LINGO2: variants seen among roughly 807,000 people sequenced by gnomAD.
The protein encoded by LINGO2 is leucine-rich repeat and immunoglobulin-like domain-containing nogo receptor-interacting protein 2.
A neutral mutation model predicts 30.6 loss-of-function variants in LINGO2; 14 were observed. That is an observed-to-expected ratio of 0.46 (90% CI 0.30 to 0.72). The LOEUF (loss-of-function observed/expected upper bound fraction) is 0.72, where lower values mean the gene tolerates loss of function less well. LINGO2 is among the 30% of genes least tolerant of loss of function. LINGO2 has a pLI of 0.07. For synonymous variants in LINGO2, 317 were observed against 288.5 expected (o/e 1.10, Z -1.00); for missense variants, 729 against 751.7 (o/e 0.97, Z 0.35).
At chr9:28,008,079 C>T (rs775173859) in intron 5 of LINGO2, among the ~76,000 whole-genome samples, 12 of 152,080 alleles carry the variant, frequency 7.9e-5, no homozygotes, top group Non-Finnish European at 1.5e-4. Flanking sequence ...TGGAGGCTCC[C>T]GTCTTACATC....
chr9:28,067,130 T>TGTG (rs1825336739), intron 4 of LINGO2, among the ~76,000 whole-genome samples: 1 of 152,104 alleles, frequency 6.6e-6, no homozygotes, highest in Admixed American at 6.6e-5. Context: ...CAGGGTCACA[T>TGTG]ACCTTTTATA....
At chr9:28,388,358 C>A (rs10968551) in intron 2 of LINGO2, among the ~76,000 whole-genome samples, 28,371 of 152,108 alleles carry the variant, frequency 0.19, 2,927 homozygotes, top group Middle Eastern at 0.31. Flanking sequence ...CTATTGTAAA[C>A]ATTGCTGCTG....
At chr9:28,790,434 T>C in the LINGO2 span, among the ~76,000 whole-genome samples, 1 of 148,992 alleles carries the variant, frequency 6.7e-6, no homozygotes, top group Non-Finnish European at 1.5e-5. Flanking sequence ...GTTCACGCCA[T>C]TCTCCTGCCT....
chr9:29,089,169 G>C, the LINGO2 span, among the ~76,000 whole-genome samples: 2 of 151,532 alleles, frequency 1.3e-5, no homozygotes, highest in Non-Finnish European at 2.9e-5. Flanking sequence ...TAAATTCATT[G>C]GGCTTACACT....
intron 1 of LINGO2, among the ~76,000 whole-genome samples, chr9:28,648,193 T>C (rs1455358849): frequency 6.6e-6 from 1 of 152,142 alleles, no homozygotes; most frequent in Non-Finnish European, 1.5e-5. Context: ...TTTACATAAA[T>C]TTAGTTCAGG....
the LINGO2 span, among the ~76,000 whole-genome samples, chr9:28,910,417 A>G: frequency 3.7e-4 from 56 of 152,202 alleles, no homozygotes; most frequent in African/African-American, 1.2e-3. Context: ...ATGAGCAACA[A>G]GAAACATTGT....
intron 4 of LINGO2, among the ~76,000 whole-genome samples, chr9:28,067,799 C>G (rs772589171): frequency 2.6e-5 from 4 of 152,098 alleles, no homozygotes; most frequent in Admixed American, 1.3e-4. Context: ...TATTTAGCAA[C>G]GCATCAACTT....
intron 5 of LINGO2, among the ~76,000 whole-genome samples, chr9:27,958,722 A>T (rs1819697326): frequency 6.6e-6 from 1 of 152,116 alleles, no homozygotes; most frequent in Non-Finnish European, 1.5e-5. Flanking sequence ...TAGTATCTGC[A>T]GTTTCAGGCA....
chr9:29,021,537 A>G, the LINGO2 span, among the ~76,000 whole-genome samples: 4 of 152,132 alleles, frequency 2.6e-5, no homozygotes, highest in African/African-American at 9.6e-5. Flanking sequence ...GGCACCTATA[A>G]TTCCAGCTAC....
the LINGO2 span, among the ~76,000 whole-genome samples, chr9:28,678,903 A>G: frequency 2.6e-5 from 4 of 152,168 alleles, no homozygotes; most frequent in African/African-American, 9.7e-5. Context: ...TCAGGTAAAT[A>G]AATGTGTGAA....
chr9:28,276,209 C>T (rs898015262), intron 4 of LINGO2, among the ~76,000 whole-genome samples: 101 of 152,114 alleles, frequency 6.6e-4, no homozygotes, highest in African/African-American at 2.4e-3. Context: ...TTAATTTTGG[C>T]CTGGCTTCAT....
the LINGO2 span, among the ~76,000 whole-genome samples, chr9:28,726,209 C>G: frequency 1.1e-4 from 16 of 152,006 alleles, no homozygotes; most frequent in Admixed American, 2.0e-4. Flanking sequence ...ATGTGTGAGT[C>G]AATTTGAATA....
chr9:28,511,890 T>C (rs964117748), intron 1 of LINGO2, among the ~76,000 whole-genome samples: 1 of 152,162 alleles, frequency 6.6e-6, no homozygotes, highest in Non-Finnish European at 1.5e-5. Flanking sequence ...AAAGGGGCTG[T>C]AGTACAGCAG....
the LINGO2 span, among the ~76,000 whole-genome samples, chr9:28,778,145 C>G: frequency 7.2e-5 from 11 of 152,148 alleles, no homozygotes; most frequent in African/African-American, 2.7e-4. Flanking sequence ...CCTACTTAAG[C>G]AAGCAGTTCC....
At chr9:28,003,677 G>A (rs375794663) in intron 5 of LINGO2, among the ~76,000 whole-genome samples, 7 of 152,216 alleles carry the variant, frequency 4.6e-5, no homozygotes, top group East Asian at 3.9e-4. Context: ...TAGCCAGGAT[G>A]GTCTCGATCT....
At chr9:29,162,055 G>C in the LINGO2 span, among the ~76,000 whole-genome samples, 1 of 151,978 alleles carries the variant, frequency 6.6e-6, no homozygotes, top group Non-Finnish European at 1.5e-5. Context: ...GAGTAGCTGA[G>C]ACTACAGGCA....
At chr9:28,790,138 T>C in the LINGO2 span, among the ~76,000 whole-genome samples, 1 of 152,104 alleles carries the variant, frequency 6.6e-6, no homozygotes, top group Non-Finnish European at 1.5e-5. Context: ...CCATCCTGCT[T>C]CGTCCTGCCT....
chr9:29,121,724 C>T, the LINGO2 span, among the ~76,000 whole-genome samples: 7 of 152,054 alleles, frequency 4.6e-5, no homozygotes, highest in Admixed American at 4.6e-4. Flanking sequence ...ACTGTCATGA[C>T]ATCTCAGAAC....
At chr9:28,541,821 G>T (rs1821711611) in intron 1 of LINGO2, among the ~76,000 whole-genome samples, 1 of 152,088 alleles carries the variant, frequency 6.6e-6, no homozygotes, top group Admixed American at 6.6e-5. Context: ...TTTCAGAGCT[G>T]AATCTTGATT....
Sources: gnomAD v4.1 joint callset for allele counts (sites outside exome capture counted in the v4.1 genomes callset) on GRCh38, gnomAD v4.1.1 for gene constraint, MANE v1.5 for transcripts, NCBI Gene and HGNC (gene_info 2026-07-23, HGNC 2026-07-21) for gene names.